DEPDC1B: variants seen among roughly 807,000 people sequenced by gnomAD.
DEPDC1B encodes DEP domain containing 1B, also known as DEP domain-containing protein 1B.
A neutral mutation model predicts 66.5 loss-of-function variants in DEPDC1B; 51 were observed. The observed-to-expected ratio is 0.77, with a 90% CI of 0.61 to 0.97. The LOEUF (loss-of-function observed/expected upper bound fraction) is 0.97, where lower values mean the gene tolerates loss of function less well. Among genes scored for constraint, DEPDC1B ranks in the 50% least tolerant of loss-of-function variants. The pLI is 0.00. For missense variants in DEPDC1B, 552 were observed against 637.1 expected (o/e 0.87, Z 1.44); for synonymous variants, 226 against 223.6 (o/e 1.01, Z -0.10).
At position 60,599,110 on chromosome 5, in the gene DEPDC1B, G is replaced by C; in HGVS notation, c.1393C>G (p.Leu465Val). The change falls in exon 10 of 11, where the codon CTC becomes GTC. Residue 465 changes from leucine (L) to valine (V), a missense_variant. Transcript: ENST00000265036. Reference protein sequence around the residue: ...LLEEVITDAKLSNKEKKKKLK... With the variant: ...LLEEVITDAKVSNKEKKKKLK... The stretch of plus-strand genomic sequence containing the variant: ...TTCTTCTTTTTCTCTTTGTTGGAGA[G>C]TTTGGCATCTGTTATGACTTCCTCC... 1 of 1,606,712 alleles carries C rather than the reference G, an allele frequency of 6.2e-7. No individual in the cohort carries two copies. The highest frequency in any genetic ancestry group is 1.1e-5 in the South Asian group (1 of 89,224).
At chr5:60,665,051 G>A (rs1245933549) in intron 2 of DEPDC1B, among the ~76,000 whole-genome samples, 4 of 152,028 alleles carry the variant, frequency 2.6e-5, no homozygotes, top group Non-Finnish European at 5.9e-5. Flanking sequence ...CCGCAAGGTG[G>A]GACCCTCCAT....
chr5:60,687,205 A>T lies in DEPDC1B; in HGVS notation c.71T>A (p.Phe24Tyr), dbSNP rs988631531. The change falls in exon 2 of 11, where the codon TTT (phenylalanine) becomes TAT (tyrosine). Residue 24 changes from phenylalanine (F) to tyrosine (Y), a missense_variant. Coordinates refer to ENST00000265036, the MANE Select transcript of DEPDC1B (RefSeq NM_018369.3). ...TTTCCGTAACGGCATCTTAGCACGA[A>T]AAAGCTCCACGGTCTCATTCCACTA... Reference protein sequence around the residue: ...TRLWNETVELFRAKMPLRKHR... With the variant: ...TRLWNETVELYRAKMPLRKHR... The T allele has an allele frequency of 6.2e-7, 1 of 1,612,314 alleles. No individual in the cohort carries two copies. The highest frequency in any genetic ancestry group is 8.5e-7 in the Non-Finnish European group (1 of 1,178,378).
intron 2 of DEPDC1B, among the ~76,000 whole-genome samples, chr5:60,686,761 G>C (rs1754421003): frequency 6.6e-6 from 1 of 152,158 alleles, no homozygotes; most frequent in African/African-American, 2.4e-5. Context: ...ACACAGCTCT[G>C]GTATGCTCTA....
intron 10 of DEPDC1B, among the ~76,000 whole-genome samples, chr5:60,598,242 ATCATTTCTCTGTTTC>A (rs1752135396): frequency 6.6e-6 from 1 of 152,184 alleles, no homozygotes; most frequent in African/African-American, 2.4e-5. Context: ...ATTACATTTC[ATCATTTCTCTGTTTC>A]TCCAACTCAG....
chr5:60,627,808 T>TA (rs1024442826), intron 7 of DEPDC1B, among the ~76,000 whole-genome samples: 67 of 152,006 alleles, frequency 4.4e-4, no homozygotes, highest in Non-Finnish European at 5.0e-4. Flanking sequence ...TTTTTCAAAA[T>TA]AAAAAAAAGA....
At chr5:60,661,392 C>G (rs1753712147) in intron 2 of DEPDC1B, among the ~76,000 whole-genome samples, 2 of 152,288 alleles carry the variant, frequency 1.3e-5, no homozygotes, top group East Asian at 3.9e-4. Context: ...CCATAGAGAA[C>G]ACTCTAGGAC....
chr5:60,605,825 T>G lies in DEPDC1B; in HGVS notation c.930A>C (p.Glu310Asp). The change falls in exon 8 of 11, where the codon GAA becomes GAC. Residue 310 changes from glutamate to aspartate, a missense_variant. Physicochemically the swap from Glu to Asp is conservative, Grantham distance 45 (BLOSUM62 2). Coordinates refer to ENST00000265036, the MANE Select transcript of DEPDC1B (RefSeq NM_018369.3). ...GLLQKEKVAV[E>D]AFQICCLLLP... ...GGAGAAGGCAGCAAATCTGAAATGCTTCAACTGCCACTTTCTCCTTCTGTA... is the reference window on the plus strand; with the variant it reads ...GGAGAAGGCAGCAAATCTGAAATGCGTCAACTGCCACTTTCTCCTTCTGTA... 2 of 1,612,326 alleles carry G rather than the reference T, an allele frequency of 1.2e-6. No homozygotes were observed. Among genetic ancestry groups the G allele is most frequent in the South Asian group, 2.2e-5 (2 of 90,548 alleles).
intron 7 of DEPDC1B, among the ~76,000 whole-genome samples, chr5:60,621,463 A>G (rs1260050944): frequency 6.6e-6 from 1 of 151,696 alleles, no homozygotes; most frequent in Non-Finnish European, 1.5e-5. Context: ...CAAACACCTC[A>G]TATTCTCACT....
chr5:60,613,027 G>C (rs1033577497), intron 7 of DEPDC1B, among the ~76,000 whole-genome samples: 1 of 152,134 alleles, frequency 6.6e-6, no homozygotes, highest in Non-Finnish European at 1.5e-5. Flanking sequence ...TTGCTTTTTT[G>C]TAGTCTTCAT....
intron 8 of DEPDC1B, 84 bp downstream of exon 8, chr5:60,605,606 T>C (rs1752292884): frequency 6.9e-7 from 1 of 1,458,828 alleles, no homozygotes; most frequent in Non-Finnish European, 9.2e-7. Context: ...GCTTTGTACT[T>C]CCCTCTGATC....
chr5:60,652,789 C>G (rs1753486476), intron 2 of DEPDC1B, among the ~76,000 whole-genome samples: 1 of 148,774 alleles, frequency 6.7e-6, no homozygotes, highest in African/African-American at 2.5e-5. Flanking sequence ...TAAAGTCTAT[C>G]ATATCATTCT....
At chr5:60,598,929 G>C (rs931765728) in intron 10 of DEPDC1B, 146 bp downstream of exon 10, 30 of 610,820 alleles carry the variant, frequency 4.9e-5, no homozygotes, top group Non-Finnish European at 6.8e-5. Context: ...GTAAATCAGT[G>C]AGACTTCTAG....
intron 7 of DEPDC1B, among the ~76,000 whole-genome samples, chr5:60,619,697 G>A (rs1752655801): frequency 6.6e-6 from 1 of 152,300 alleles, no homozygotes; most frequent in Non-Finnish European, 1.5e-5. Flanking sequence ...TCAATATTGT[G>A]AAAATGGCCA....
intron 1 of DEPDC1B, among the ~76,000 whole-genome samples, chr5:60,699,702 C>T (rs1181291799): frequency 2.0e-5 from 3 of 152,182 alleles, no homozygotes; most frequent in Admixed American, 2.0e-4. Flanking sequence ...TACGTGGTGG[C>T]CCCTCAGGTT....
rs550060943 is a variant in DEPDC1B, at chr5:60,667,732, T to TA, written c.314+19229dup. 7.5e-3 allele frequency among the ~76,000 whole-genome samples: 998 copies of TA among 133,458 alleles called. 26 individuals are homozygous for TA. Among genetic ancestry groups the TA allele is most frequent in the Non-Finnish European group, 0.012 (772 of 62,198 alleles). 87.6% of individuals were successfully genotyped at this position (133,458 alleles called of 152,430 possible). A position where few individuals can be genotyped will look rare whatever the true frequency, so the allele number is the denominator to read the frequency against. On this transcript the variant is annotated intron_variant, in intron 2 of 10. Transcript: ENST00000265036. ...ATAAAATGGATATTTTACATATATATAAAAAATGGATATTTTACATATATA... is the reference window on the plus strand; with the variant it reads ...ATAAAATGGATATTTTACATATATATAAAAAAATGGATATTTTACATATATA...
At position 60,699,443 on chromosome 5, in the gene DEPDC1B, G is replaced by GAAAAAAAAAAAAAAAAAA. The variant is rs528758437; in HGVS notation, c.48+585_48+602dup. Among the ~76,000 whole-genome samples the GAAAAAAAAAAAAAAAAAA allele has an allele frequency of 2.4e-3, 210 of 89,340 alleles. 25 individuals are homozygous for GAAAAAAAAAAAAAAAAAA. Among genetic ancestry groups the GAAAAAAAAAAAAAAAAAA allele is most frequent in the Middle Eastern group, 0.015 (2 of 132 alleles). The allele number at this position is 89,340 out of a possible 152,430, so 58.6% of individuals were successfully genotyped here. On this transcript the variant is annotated intron_variant, in intron 1 of 10. Coordinates refer to ENST00000265036, the MANE Select transcript of DEPDC1B (RefSeq NM_018369.3). ...CCTCAATACCAAAGCTTTTCTCCCA[G>GAAAAAAAAAAAAAAAAAA]AAAAAAAAAAAAAAAAAAACAGGAA... is the stretch of plus-strand genomic sequence containing the variant.
intron 7 of DEPDC1B, among the ~76,000 whole-genome samples, chr5:60,631,895 C>T (rs1752933231): frequency 6.6e-6 from 1 of 152,164 alleles, no homozygotes; most frequent in Non-Finnish European, 1.5e-5. Context: ...ATAAGTGGGG[C>T]ACACTATCTG....
intron 10 of DEPDC1B, among the ~76,000 whole-genome samples, chr5:60,598,248 T>C (rs1389615091): frequency 6.6e-5 from 10 of 152,158 alleles, no homozygotes; most frequent in Non-Finnish European, 1.5e-4. Flanking sequence ...TTTCATCATT[T>C]CTCTGTTTCT....
At chr5:60,626,228 A>T (rs1245075845) in intron 7 of DEPDC1B, among the ~76,000 whole-genome samples, 3 of 152,174 alleles carry the variant, frequency 2.0e-5, no homozygotes, top group Non-Finnish European at 2.9e-5. Flanking sequence ...TCCAAGATTC[A>T]TCCAAGTTGT....
Sources: allele counts gnomAD v4.1 joint callset (sites outside exome capture counted in the v4.1 genomes callset), GRCh38; gene constraint gnomAD v4.1.1; transcripts MANE v1.5; gene names NCBI Gene and HGNC (gene_info 2026-07-23, HGNC 2026-07-21).